SEMA5A: variants seen among roughly 807,000 people sequenced by gnomAD.
SEMA5A encodes the protein semaphorin 5A.
Under a neutral mutation model 135.5 loss-of-function variants are expected in SEMA5A, and 55 were observed. The ratio of observed to expected loss-of-function variants is 0.41; its 90% CI spans 0.33 to 0.51. The LOEUF (loss-of-function observed/expected upper bound fraction) is 0.51, where lower values mean the gene tolerates loss of function less well. Ranked by LOEUF, SEMA5A falls within the 20% of genes least tolerant of loss-of-function variation. SEMA5A has a pLI of 0.37. For synonymous variants in SEMA5A, 580 were observed against 546.5 expected (o/e 1.06, Z -0.85); for missense variants, 1,290 against 1,419.9 (o/e 0.91, Z 1.47).
At chr5:9,114,407 C>T (rs747540778) in intron 15 of SEMA5A, among the ~76,000 whole-genome samples, 2 of 152,046 alleles carry the variant, frequency 1.3e-5, no homozygotes, top group Non-Finnish European at 2.9e-5. Flanking sequence ...ATGTGAATGT[C>T]AATAATGTCA....
At chr5:9,173,279 GT>G (rs35531350) in intron 11 of SEMA5A, among the ~76,000 whole-genome samples, 52,472 of 121,672 alleles carry the variant, frequency 0.43, 10,047 homozygotes, top group Non-Finnish European at 0.48. Context: ...TCTTCACCCG[GT>G]TTTTTTTTTT....
At chr5:9,328,646 G>T (rs1403468439) in intron 4 of SEMA5A, among the ~76,000 whole-genome samples, 2 of 152,110 alleles carry the variant, frequency 1.3e-5, no homozygotes, top group Non-Finnish European at 2.9e-5. Context: ...TATGGTGGTG[G>T]GTGCCTGCAA....
chr5:9,312,988 G>A (rs573914353), intron 5 of SEMA5A, among the ~76,000 whole-genome samples: 3 of 152,236 alleles, frequency 2.0e-5, no homozygotes, highest in African/African-American at 7.2e-5. Flanking sequence ...GGAGTGGAGA[G>A]GGTGCACTAA....
chr5:9,521,603 C>A (rs561990212), intron 1 of SEMA5A, among the ~76,000 whole-genome samples: 93 of 152,196 alleles, frequency 6.1e-4, no homozygotes, highest in Admixed American at 4.6e-3. Flanking sequence ...TCCTGCTGAG[C>A]GGTTTATGAA....
chr5:9,305,246 C>A (rs1308194990), intron 5 of SEMA5A, among the ~76,000 whole-genome samples: 1 of 152,056 alleles, frequency 6.6e-6, no homozygotes, highest in Non-Finnish European at 1.5e-5. Context: ...AATTTATTTA[C>A]TAATTTTCCA....
At chr5:9,278,836 C>G (rs1750397043) in intron 5 of SEMA5A, among the ~76,000 whole-genome samples, 2 of 152,222 alleles carry the variant, frequency 1.3e-5, no homozygotes, top group Non-Finnish European at 2.9e-5. Context: ...GGTTTGGGAA[C>G]CTCCACCTAG....
At chr5:9,494,490 G>A (rs550099298) in intron 1 of SEMA5A, among the ~76,000 whole-genome samples, 21 of 152,178 alleles carry the variant, frequency 1.4e-4, no homozygotes, top group Admixed American at 7.2e-4. Context: ...TCCCCAACGC[G>A]GCTGCTCATC....
At chr5:9,543,882 A>C (rs1458066201) in intron 1 of SEMA5A, among the ~76,000 whole-genome samples, 1 of 152,174 alleles carries the variant, frequency 6.6e-6, no homozygotes, top group Non-Finnish European at 1.5e-5. Context: ...GGAGGGGAAA[A>C]AAAAATCCAT....
intron 16 of SEMA5A, among the ~76,000 whole-genome samples, chr5:9,107,844 G>A (rs1443877688): frequency 1.3e-5 from 2 of 152,036 alleles, no homozygotes; most frequent in Non-Finnish European, 2.9e-5. Context: ...GAGAGGACCT[G>A]GTACCTCCAG....
At chr5:9,385,251 C>T (rs771602309) in intron 2 of SEMA5A, among the ~76,000 whole-genome samples, 26 of 152,116 alleles carry the variant, frequency 1.7e-4, no homozygotes, top group South Asian at 6.2e-4. Context: ...TTCACTCCCA[C>T]GCTACAACTG....
At chr5:9,248,851 T>G (rs563076119) in intron 5 of SEMA5A, among the ~76,000 whole-genome samples, 1 of 152,252 alleles carries the variant, frequency 6.6e-6, no homozygotes, top group Admixed American at 6.5e-5. Flanking sequence ...GGGGACCCCT[T>G]TATTTTAGTC....
chr5:9,386,807 T>A (rs1755913408), intron 2 of SEMA5A, among the ~76,000 whole-genome samples: 1 of 152,216 alleles, frequency 6.6e-6, no homozygotes, highest in African/African-American at 2.4e-5. Context: ...GTGTATGTGC[T>A]CCAACATGCT....
intron 1 of SEMA5A, among the ~76,000 whole-genome samples, chr5:9,501,344 TTACTC>T (rs778253990): frequency 1.2e-4 from 18 of 152,234 alleles, no homozygotes; most frequent in Non-Finnish European, 7.3e-5. Context: ...TGAATTACCT[TTACTC>T]TAAAGATAAG....
Position 9,048,610 on chromosome 5 carries a change from G to T in SEMA5A, c.2893+1800C>A, listed in dbSNP as rs573556253. ...AGGTGTCACGTAATATAGAGTAAAG[G>T]CCCCACATACCCTTCTAACAAACAT... On this transcript the variant is annotated intron_variant, in intron 21 of 22. Transcript: ENST00000382496. Among the ~76,000 whole-genome samples the T allele has an allele frequency of 5.9e-5, 9 of 152,172 alleles. No individual in the cohort carries two copies. In the East Asian group the frequency reaches 1.7e-3, roughly 30 times the overall value.
At chr5:9,412,733 A>G (rs1579500614) in intron 2 of SEMA5A, among the ~76,000 whole-genome samples, 1 of 151,982 alleles carries the variant, frequency 6.6e-6, no homozygotes, top group South Asian at 2.1e-4. Context: ...TTTATACAAT[A>G]TGTTTAATAA....
At chr5:9,090,820 C>T (rs533391152) in intron 16 of SEMA5A, among the ~76,000 whole-genome samples, 2 of 152,332 alleles carry the variant, frequency 1.3e-5, no homozygotes, top group African/African-American at 2.4e-5. Context: ...GCATCACCAA[C>T]TTCCTCTCAC....
chr5:9,141,161 A>G (rs139548433), intron 12 of SEMA5A, among the ~76,000 whole-genome samples: 16 of 152,320 alleles, frequency 1.1e-4, no homozygotes, highest in Non-Finnish European at 2.1e-4. Flanking sequence ...GATGAGATCT[A>G]CCTTTATTCT....
At chr5:9,330,437 GT>G (rs1269965403) in intron 4 of SEMA5A, among the ~76,000 whole-genome samples, 77 of 148,760 alleles carry the variant, frequency 5.2e-4, no homozygotes, top group African/African-American at 1.8e-3. Flanking sequence ...TTTTGTTTTT[GT>G]TTTTGTTTTG....
intron 8 of SEMA5A, among the ~76,000 whole-genome samples, chr5:9,214,771 C>T (rs566510136): frequency 6.6e-6 from 1 of 152,202 alleles, no homozygotes; most frequent in Admixed American, 6.5e-5. Flanking sequence ...TTAGGCTAGA[C>T]TATGAGAGCA....
Sources: gnomAD v4.1 joint callset for allele counts (sites outside exome capture counted in the v4.1 genomes callset) on GRCh38, gnomAD v4.1.1 for gene constraint, MANE v1.5 for transcripts, NCBI Gene and HGNC (gene_info 2026-07-23, HGNC 2026-07-21) for gene names.